RNF121: variants seen among roughly 807,000 people sequenced by gnomAD.
RNF121 encodes the protein E3 ubiquitin ligase RNF121.
In RNF121, 21 loss-of-function variants were observed where a neutral mutation model predicts 46.5. The observed-to-expected ratio is 0.45, with a 90% CI of 0.32 to 0.65. The LOEUF (loss-of-function observed/expected upper bound fraction) is 0.65. Among genes scored for constraint, RNF121 ranks in the 30% least tolerant of loss-of-function variants. The probability of loss-of-function intolerance (pLI) is 0.04; values close to 1 mark genes in which losing one functional copy is unlikely to be tolerated. For synonymous variants in RNF121, 139 were observed against 144.7 expected (o/e 0.96, Z 0.28); for missense variants, 346 against 416.0 (o/e 0.83, Z 1.46).
rs367673376 is a variant in RNF121 at position 71,960,747 on chromosome 11, C to T, written c.102-3C>T. 1.8e-5 allele frequency: 29 copies of T among 1,611,892 alleles called. No individual in the cohort carries two copies. Among genetic ancestry groups the T allele is most frequent in the Admixed American group, 3.3e-5 (2 of 59,876 alleles). On this transcript the variant is annotated splice_region_variant and splice_polypyrimidine_tract_variant and intron_variant, in intron 2 of 8. Coordinates refer to ENST00000361756, the MANE Select transcript of RNF121 (RefSeq NM_018320.5). ...TGATTCACCCCATGTGTTTGGCTTT[C>T]AGGGTCGAGCACGCACGCATGCATG...
At chr11:71,971,965 GT>G (rs1489883291) in intron 3 of RNF121, among the ~76,000 whole-genome samples, 4 of 152,204 alleles carry the variant, frequency 2.6e-5, no homozygotes, top group Admixed American at 2.0e-4. Flanking sequence ...ACATTGAGGA[GT>G]TGGAGGCAAT....
chr11:71,996,942 C>G lies in RNF121; in HGVS notation c.*627C>G, dbSNP rs1224980070. The G allele has an allele frequency of 6.6e-6, 1 of 152,412 alleles. No individual in the cohort carries two copies. The highest frequency in any genetic ancestry group is 1.5e-5 in the Non-Finnish European group (1 of 68,202). 9.4% of individuals were successfully genotyped at this position (152,412 alleles called of 1,614,324 possible). Reference sequence around the variant, plus strand: ...TCAGTGACTTGGCCAACAAGGGAAGCCTTGGGGCCTCAGAATTCATTGAAG... The same window carrying G: ...TCAGTGACTTGGCCAACAAGGGAAGGCTTGGGGCCTCAGAATTCATTGAAG... On this transcript the variant is annotated 3_prime_UTR_variant, in exon 9 of 9. Coordinates refer to ENST00000361756, the MANE Select transcript of RNF121 (RefSeq NM_018320.5).
At chr11:71,980,585 G>A (rs1192707805) in intron 3 of RNF121, among the ~76,000 whole-genome samples, 3 of 152,156 alleles carry the variant, frequency 2.0e-5, no homozygotes, top group Non-Finnish European at 4.4e-5. Flanking sequence ...GACCTAAGGT[G>A]ATCTACCTGC....
At chr11:71,969,355 A>C (rs1954369936) in intron 3 of RNF121, among the ~76,000 whole-genome samples, 1 of 152,204 alleles carries the variant, frequency 6.6e-6, no homozygotes, top group African/African-American at 2.4e-5. Flanking sequence ...ATATAAAATA[A>C]CTATAGCTAC....
chr11:71,979,830 T>C (rs1344665808), intron 3 of RNF121, among the ~76,000 whole-genome samples: 2 of 152,212 alleles, frequency 1.3e-5, no homozygotes, highest in Non-Finnish European at 2.9e-5. Flanking sequence ...TCTGTTTTTT[T>C]CTCAGAGAGA....
intron 3 of RNF121, among the ~76,000 whole-genome samples, chr11:71,973,947 T>C (rs1381306713): frequency 1.3e-5 from 2 of 152,030 alleles, no homozygotes; most frequent in Non-Finnish European, 2.9e-5. Context: ...TGTTTGTTTG[T>C]TTGTTTGTTT....
At chr11:71,944,092 G>T (rs1408490523) in intron 1 of RNF121, among the ~76,000 whole-genome samples, 1 of 152,180 alleles carries the variant, frequency 6.6e-6, no homozygotes, top group Non-Finnish European at 1.5e-5. Context: ...AGCACTTTGG[G>T]AGGCTGAGGT....
chr11:71,990,803 G>T, intron 6 of RNF121, 86 bp downstream of exon 6: 11 of 1,505,450 alleles, frequency 7.3e-6, no homozygotes, highest in Non-Finnish European at 1.0e-5. Flanking sequence ...GAAGAGAAAG[G>T]CACTAGGGTG....
At chr11:71,929,330 T>C (rs1462693784) in intron 1 of RNF121, among the ~76,000 whole-genome samples, 3 of 149,656 alleles carry the variant, frequency 2.0e-5, no homozygotes, top group African/African-American at 7.4e-5. Flanking sequence ...AGACTTGCAT[T>C]AGCCTCAAGG....
At chr11:71,974,563 C>G (rs1254499774) in intron 3 of RNF121, among the ~76,000 whole-genome samples, 2 of 152,118 alleles carry the variant, frequency 1.3e-5, no homozygotes, top group Admixed American at 6.5e-5. Flanking sequence ...AACACATGAC[C>G]ATTAAATTGG....
At chr11:71,975,583 A>G (rs954568062) in intron 3 of RNF121, among the ~76,000 whole-genome samples, 3 of 151,994 alleles carry the variant, frequency 2.0e-5, no homozygotes, top group African/African-American at 7.2e-5. Flanking sequence ...AAAGCACTTA[A>G]TTGTGGTTAT....
intron 5 of RNF121, among the ~76,000 whole-genome samples, chr11:71,988,412 A>G (rs145697828): frequency 6.6e-6 from 1 of 152,184 alleles, no homozygotes; most frequent in South Asian, 2.1e-4. Context: ...CTAGGATTCA[A>G]ATTTAAGATA....
chr11:71,974,186 C>T (rs1954481476), intron 3 of RNF121, among the ~76,000 whole-genome samples: 1 of 152,178 alleles, frequency 6.6e-6, no homozygotes, highest in Non-Finnish European at 1.5e-5. Context: ...CGTGATCCAC[C>T]CTCCTCGGCC....
At chr11:71,970,217 G>A (rs1954389091) in intron 3 of RNF121, among the ~76,000 whole-genome samples, 1 of 152,134 alleles carries the variant, frequency 6.6e-6, no homozygotes, top group Admixed American at 6.6e-5. Context: ...TAGGGAGTAG[G>A]GGGAATTAGG....
Position 71,990,711 on chromosome 11 carries a change from C to T in RNF121, c.621C>T (p.Thr207=). The T allele has an allele frequency of 6.2e-7, 1 of 1,613,986 alleles. No individual in the cohort carries two copies. The highest frequency in any genetic ancestry group is 8.5e-7 in the Non-Finnish European group (1 of 1,179,966). Residue 207 remains threonine (T), a synonymous_variant, in exon 6 of 9, where the codon ACC becomes ACT. Coordinates refer to ENST00000361756, the MANE Select transcript of RNF121 (RefSeq NM_018320.5). ...TGTGTGCAGACTACATGGCATCTAC[C>T]ATAGGGGTAAGTTCATCCGGGTTCT... ...AEMCADYMAS[T]IGFYSESGMP...
intron 1 of RNF121, among the ~76,000 whole-genome samples, chr11:71,943,817 G>A (rs576060819): frequency 9.2e-5 from 14 of 152,280 alleles, no homozygotes; most frequent in Admixed American, 9.2e-4. Flanking sequence ...TAGGCAGGAG[G>A]AGCAGCATGT....
chr11:71,952,821 T>C (rs1490277991), intron 1 of RNF121, among the ~76,000 whole-genome samples: 2 of 152,124 alleles, frequency 1.3e-5, no homozygotes, highest in African/African-American at 2.4e-5. Context: ...AAAAAAAATT[T>C]CATAAATACA....
At chr11:71,950,466 C>G (rs966486848) in intron 1 of RNF121, among the ~76,000 whole-genome samples, 1 of 151,766 alleles carries the variant, frequency 6.6e-6, no homozygotes, top group African/African-American at 2.4e-5. Context: ...CACCTGTAAT[C>G]CCAGCTACTG....
intron 3 of RNF121, among the ~76,000 whole-genome samples, chr11:71,977,828 A>G (rs903368594): frequency 6.6e-6 from 1 of 152,170 alleles, no homozygotes; most frequent in Non-Finnish European, 1.5e-5. Context: ...ATGTGTTTAT[A>G]TCGCATTAGC....
Sources: gnomAD v4.1 joint callset for allele counts (sites outside exome capture counted in the v4.1 genomes callset) on GRCh38, gnomAD v4.1.1 for gene constraint, MANE v1.5 for transcripts, NCBI Gene and HGNC (gene_info 2026-07-23, HGNC 2026-07-21) for gene names.